Variants in ANTXR1 observed in about 807,000 individuals in gnomAD.
ANTXR1 encodes anthrax toxin receptor 1.
In ANTXR1, 19 loss-of-function variants were observed where a neutral mutation model predicts 78.1. The ratio of observed to expected loss-of-function variants is 0.24; its 90% CI spans 0.17 to 0.36. The LOEUF (loss-of-function observed/expected upper bound fraction) is 0.36. ANTXR1 is among the 10% of genes least tolerant of loss of function. The probability of loss-of-function intolerance (pLI) is 1.00; values close to 1 mark genes in which losing one functional copy is unlikely to be tolerated. For synonymous variants in ANTXR1, 273 were observed against 260.5 expected (o/e 1.05, Z -0.46); for missense variants, 518 against 718.6 (o/e 0.72, Z 3.19).
At chr2:69,090,817 A>G in intron 8 of ANTXR1, 42 bp from the exon 9 acceptor site, 1 of 1,599,492 alleles carries the variant, frequency 6.3e-7, no homozygotes, top group Non-Finnish European at 8.6e-7. Context: ...TCTTTGAACA[A>G]AATAAGCTGT....
chr2:69,190,879 GTTC>G (rs1409814526), intron 16 of ANTXR1, among the ~76,000 whole-genome samples: 9 of 152,324 alleles, frequency 5.9e-5, no homozygotes, highest in Middle Eastern at 3.4e-3. Flanking sequence ...ACAGCCCAGT[GTTC>G]TTCTTTCTGC....
intron 3 of ANTXR1, among the ~76,000 whole-genome samples, chr2:69,063,279 G>A (rs1670299444): frequency 1.3e-5 from 2 of 151,778 alleles, no homozygotes; most frequent in Non-Finnish European, 2.9e-5. Flanking sequence ...CGGCCAGAGG[G>A]AAGGCAGGAA....
At chr2:69,121,199 G>A (rs1299602238) in intron 10 of ANTXR1, among the ~76,000 whole-genome samples, 1 of 152,190 alleles carries the variant, frequency 6.6e-6, no homozygotes, top group East Asian at 1.9e-4. Flanking sequence ...TGGCTCCTTG[G>A]ACAAGGTACT....
chr2:69,109,435 C>T (rs540456306), intron 10 of ANTXR1, among the ~76,000 whole-genome samples: 3 of 152,274 alleles, frequency 2.0e-5, no homozygotes, highest in African/African-American at 2.4e-5. Context: ...TGTGGAAACT[C>T]GCCCTGGCCG....
chr2:69,197,275 G>T (rs977939782), intron 17 of ANTXR1, among the ~76,000 whole-genome samples: 6 of 152,224 alleles, frequency 3.9e-5, no homozygotes, highest in African/African-American at 1.4e-4. Context: ...CCTGCTCCCA[G>T]TAGGTAGCCA....
At position 69,036,997 on chromosome 2, in the gene ANTXR1, T is replaced by C. The variant is rs146005181; in HGVS notation, c.153-3047T>C. ...TAAAGCTTTAAGCCCAGGGCTAGGA[T>C]ATGCAGTTCTGGTGAGCTCGTGGGA... On this transcript the variant is annotated intron_variant, in intron 1 of 17. Coordinates refer to ENST00000303714, the MANE Select transcript of ANTXR1 (RefSeq NM_032208.3). Among the ~76,000 whole-genome samples the C allele has an allele frequency of 4.4e-3, 673 of 152,332 alleles. 2 individuals are homozygous for C. The highest frequency in any genetic ancestry group is 7.1e-3 in the Non-Finnish European group (484 of 68,036).
chr2:69,084,177 G>C (rs2104259102), intron 8 of ANTXR1, among the ~76,000 whole-genome samples: 1 of 152,264 alleles, frequency 6.6e-6, no homozygotes, highest in East Asian at 1.9e-4. Flanking sequence ...CCCAAGAAAG[G>C]CCACTCACTT....
chr2:69,044,050 T>G (rs1303105758), intron 2 of ANTXR1, among the ~76,000 whole-genome samples: 1 of 152,216 alleles, frequency 6.6e-6, no homozygotes, highest in Non-Finnish European at 1.5e-5. Context: ...AGAAACAAGT[T>G]CGTCCTCAGG....
chr2:69,096,391 A>G lies in ANTXR1; in HGVS notation c.703+5472A>G, dbSNP rs866371949. Among the ~76,000 whole-genome samples, 33 of 140,144 alleles carry G rather than the reference A, an allele frequency of 2.4e-4. 6 individuals are homozygous for G. The highest frequency in any genetic ancestry group is 3.8e-4 in the Non-Finnish European group (25 of 65,090). 91.9% of individuals were successfully genotyped at this position (140,144 alleles called of 152,430 possible). A position where few individuals can be genotyped will look rare whatever the true frequency, so the allele number is the denominator to read the frequency against. The stretch of plus-strand genomic sequence containing the variant: ...AAGGGAGGAAGGAGGGAAGGAAGGA[A>G]GGAAGGAAGGAAGGAAATCAAAAAG... On this transcript the variant is annotated intron_variant, in intron 9 of 17. Coordinates refer to ENST00000303714, the MANE Select transcript of ANTXR1 (RefSeq NM_032208.3).
At chr2:69,234,778 T>A (rs563139436) in intron 17 of ANTXR1, among the ~76,000 whole-genome samples, 17 of 151,972 alleles carry the variant, frequency 1.1e-4, no homozygotes, top group African/African-American at 4.1e-4. Flanking sequence ...ATTTAAAAAA[T>A]TTATTATTTT....
intron 8 of ANTXR1, among the ~76,000 whole-genome samples, chr2:69,087,089 G>A (rs182922667): frequency 4.4e-4 from 67 of 152,280 alleles, no homozygotes; most frequent in African/African-American, 1.6e-3. Context: ...TTACAGCAGA[G>A]GAAACTGAGA....
intron 6 of ANTXR1, among the ~76,000 whole-genome samples, chr2:69,074,566 T>C (rs1236192346): frequency 6.6e-6 from 1 of 152,184 alleles, no homozygotes; most frequent in Admixed American, 6.5e-5. Context: ...CAATTCTATA[T>C]AAAGTCCAAC....
In ANTXR1 at chr2:69,059,915, A is replaced by G. The variant is rs550201545; in HGVS notation, c.297-10732A>G. On this transcript the variant is annotated intron_variant, in intron 3 of 17. Transcript: ENST00000303714. ...CTTATTTCAAAAGCCAGATGGTGCCATAGAAAACCACATGGTGAAATTACT... is the reference window on the plus strand; with the variant it reads ...CTTATTTCAAAAGCCAGATGGTGCCGTAGAAAACCACATGGTGAAATTACT... Among the ~76,000 whole-genome samples the G allele has an allele frequency of 6.6e-5, 10 of 152,354 alleles. No homozygotes were observed. The East Asian group carries it at 1.7e-3, about 26-fold the overall frequency.
chr2:69,053,834 C>T (rs1339912345), intron 3 of ANTXR1, among the ~76,000 whole-genome samples: 1 of 152,184 alleles, frequency 6.6e-6, no homozygotes, highest in Non-Finnish European at 1.5e-5. Context: ...CATATACTCA[C>T]TGGCAACACC....
At position 69,238,720 on chromosome 2, in the gene ANTXR1, C is replaced by T. The variant is rs190230791; in HGVS notation, c.1435-6505C>T. 1.5e-3 allele frequency among the ~76,000 whole-genome samples: 232 copies of T among 152,262 alleles called. 1 individual carries two copies. Among genetic ancestry groups the T allele is most frequent in the Admixed American group, 4.0e-3 (61 of 15,298 alleles). On this transcript the variant is annotated intron_variant, in intron 17 of 17. Transcript: ENST00000303714. ...CCAAACAAGGTAATCAATGGGAGAA[C>T]TAGGCCAGAGAGAAAAGGTATTTGT...
chr2:69,249,210 T>C lies in ANTXR1; in HGVS notation c.*3725T>C, dbSNP rs1676086218. The C allele has an allele frequency of 6.6e-6, 1 of 151,988 alleles. No homozygotes were observed. Among genetic ancestry groups the C allele is most frequent in the East Asian group, 1.9e-4 (1 of 5,206 alleles). 9.4% of individuals were successfully genotyped at this position (151,988 alleles called of 1,614,324 possible). A position where few individuals can be genotyped will look rare whatever the true frequency, so the allele number is the denominator to read the frequency against. ...TGTCTGTTTGTTATAAAGTGCAACG[T>C]ATTCAAGTCCTCAATATCCTGATCA... On this transcript the variant is annotated 3_prime_UTR_variant, in exon 18 of 18. Transcript: ENST00000303714.
At chr2:69,075,987 C>G (rs967074914) in intron 7 of ANTXR1, among the ~76,000 whole-genome samples, 1 of 152,120 alleles carries the variant, frequency 6.6e-6, no homozygotes, top group Non-Finnish European at 1.5e-5. Context: ...CACTCTGTCA[C>G]CCAGGCTGGG....
intron 17 of ANTXR1, among the ~76,000 whole-genome samples, chr2:69,243,835 G>A (rs945487962): frequency 6.6e-6 from 1 of 152,172 alleles, no homozygotes; most frequent in African/African-American, 2.4e-5. Context: ...CAGCATAGAG[G>A]GCAGCCTCAG....
At chr2:69,185,807 T>A (rs1175089270) in intron 16 of ANTXR1, among the ~76,000 whole-genome samples, 2 of 152,144 alleles carry the variant, frequency 1.3e-5, no homozygotes, top group Admixed American at 6.5e-5. Flanking sequence ...AGGAGTCAAC[T>A]AAAAGGCCAG....
Sources: allele counts gnomAD v4.1 joint callset (sites outside exome capture counted in the v4.1 genomes callset), GRCh38; gene constraint gnomAD v4.1.1; transcripts MANE v1.5; gene names NCBI Gene and HGNC (gene_info 2026-07-23, HGNC 2026-07-21).